PCDHGA7: variants seen among roughly 807,000 people sequenced by gnomAD.
The protein encoded by PCDHGA7 is protocadherin gamma subfamily A, 7.
A neutral mutation model predicts 58.3 loss-of-function variants in PCDHGA7; 44 were observed. That is an observed-to-expected ratio of 0.75 (90% CI 0.59 to 0.97). The LOEUF is 0.97. Among genes scored for constraint, PCDHGA7 ranks in the 50% least tolerant of loss-of-function variants. PCDHGA7 has a pLI of 0.00. For synonymous variants in PCDHGA7, 516 were observed against 504.2 expected, an observed-to-expected ratio of 1.02 and a Z score of -0.31; for missense variants, 1,266 against 1,188.7, an observed-to-expected ratio of 1.06 and a Z score of -0.96.
chr5:141,451,001 A>T (rs909477017), intron 1 of PCDHGA7, among the ~76,000 whole-genome samples: 2 of 148,266 alleles, frequency 1.3e-5, no homozygotes, highest in Middle Eastern at 3.4e-3. Context: ...ATTTTTTTGT[A>T]TTTTTTTTAG....
intron 1 of PCDHGA7, chr5:141,413,266 GGA>G: frequency 6.2e-7 from 1 of 1,613,962 alleles, no homozygotes; most frequent in South Asian, 1.1e-5. Context: ...ATGGGAGGCT[GGA>G]GCCCGGCAGA....
rs761468303 is a variant in PCDHGA7 at position 141,421,659 on chromosome 5, T to C, written c.2424+36336T>C. 4 of 1,613,700 alleles carry C rather than the reference T, an allele frequency of 2.5e-6. No individual in the cohort carries two copies. The Admixed American group carries it at 6.7e-5, about 27-fold the overall frequency. On this transcript the variant is annotated intron_variant, in intron 1 of 3. Transcript: ENST00000518325. ...AGGACGAAGTGGAGATAAAAGTCAG[T>C]GAGCACGCAATTCCTGGGGCGCGAT...
At chr5:141,473,735 A>G (rs529416084) in intron 1 of PCDHGA7, among the ~76,000 whole-genome samples, 75 of 152,352 alleles carry the variant, frequency 4.9e-4, no homozygotes, top group African/African-American at 1.6e-3. Context: ...GAGAGGGAGA[A>G]GACATGAGAA....
intron 2 of PCDHGA7, among the ~76,000 whole-genome samples, chr5:141,497,962 G>A (rs2099780751): frequency 6.6e-6 from 1 of 152,236 alleles, no homozygotes; most frequent in African/African-American, 2.4e-5. Context: ...TGGCCAGGCA[G>A]TGTTCTCGAT....
chr5:141,388,864 C>T (rs748559328), intron 1 of PCDHGA7: 15 of 1,613,736 alleles, frequency 9.3e-6, no homozygotes, highest in Middle Eastern at 1.6e-4. Flanking sequence ...GGAATGATTG[C>T]GCAATGCACA....
chr5:141,407,473 G>A (rs753514459), intron 1 of PCDHGA7, among the ~76,000 whole-genome samples: 4 of 145,182 alleles, frequency 2.8e-5, no homozygotes, highest in Non-Finnish European at 4.6e-5. Context: ...ATGACTGAAT[G>A]GAGTATGGAA....
chr5:141,478,424 G>A, intron 1 of PCDHGA7: 2 of 1,613,686 alleles, frequency 1.2e-6, no homozygotes, highest in African/African-American at 1.3e-5. Context: ...CCGCCGCAGC[G>A]ACCCGCTGCT....
rs934366037 is a variant in PCDHGA7, at chr5:141,408,906, C to T, written c.2424+23583C>T. On this transcript the variant is annotated intron_variant, in intron 1 of 3. Transcript: ENST00000518325. Reference sequence around the variant, plus strand: ...CACATAGAAATTTCTGTCAAGGATACCAATGATAACCCCCCGGTTTTCAGC... The same window carrying T: ...CACATAGAAATTTCTGTCAAGGATATCAATGATAACCCCCCGGTTTTCAGC... 2.5e-6 allele frequency: 4 copies of T among 1,613,136 alleles called. No homozygotes were observed. The African/African-American group carries it at 4.0e-5, about 16-fold the overall frequency.
At chr5:141,436,324 G>A (rs972756085) in intron 1 of PCDHGA7, among the ~76,000 whole-genome samples, 10 of 152,134 alleles carry the variant, frequency 6.6e-5, no homozygotes, top group African/African-American at 2.4e-4. Flanking sequence ...AAGACTGTTA[G>A]ACCATATCTC....
chr5:141,484,962 G>A (rs2099604361), intron 1 of PCDHGA7: 1 of 577,858 alleles, frequency 1.7e-6, no homozygotes, highest in Non-Finnish European at 3.1e-6. Flanking sequence ...GGCTGAGCCC[G>A]GGAGCCGCTG....
intron 3 of PCDHGA7, 133 bp downstream of exon 3, chr5:141,505,614 AC>A: frequency 6.6e-7 from 1 of 1,510,758 alleles, no homozygotes; most frequent in Non-Finnish European, 8.9e-7. Flanking sequence ...GTCTGAAAGG[AC>A]CCACAATTCC....
intron 1 of PCDHGA7, chr5:141,433,149 C>A (rs758972664): frequency 1.2e-6 from 2 of 1,613,856 alleles, no homozygotes; most frequent in Non-Finnish European, 1.7e-6. Context: ...TCAGGTGATT[C>A]GGTATTTTCT....
chr5:141,387,227 A>T (rs1220813655), intron 1 of PCDHGA7, among the ~76,000 whole-genome samples: 3 of 152,230 alleles, frequency 2.0e-5, no homozygotes, highest in Non-Finnish European at 4.4e-5. Context: ...AAGTTGAAAT[A>T]AATCAACTTG....
Position 141,384,579 on chromosome 5 carries a change from C to T in PCDHGA7, c.1680C>T (p.Pro560=), listed in dbSNP as rs746315101. ...TGCTGGACCAGAATGACAACCCGCCCGAGATCCTGTACCCGGCCCTCCCCA... is the reference window on the plus strand; with the variant it reads ...TGCTGGACCAGAATGACAACCCGCCTGAGATCCTGTACCCGGCCCTCCCCA... ...LFVLDQNDNP[P]EILYPALPTD... is the part of the protein sequence containing the mutation. The change falls in exon 1 of 4, where the codon CCC becomes CCT. Residue 560 remains proline, a synonymous_variant. Transcript: ENST00000518325. 8.1e-6 allele frequency: 13 copies of T among 1,614,128 alleles called. No individual in the cohort carries two copies. The highest frequency in any genetic ancestry group is 8.0e-5 in the African/African-American group (6 of 74,934).
At chr5:141,430,946 G>A (rs2097328634) in intron 1 of PCDHGA7, 1 of 1,609,494 alleles carries the variant, frequency 6.2e-7, no homozygotes, top group Non-Finnish European at 8.5e-7. Flanking sequence ...CGCGGAGCGC[G>A]GAGTCCGCAT....
intron 1 of PCDHGA7, chr5:141,404,243 C>A: frequency 6.2e-7 from 1 of 1,613,810 alleles, no homozygotes; most frequent in Non-Finnish European, 8.5e-7. Flanking sequence ...AGGAACTCCG[C>A]CCCTGTCCAC....
Position 141,468,058 on chromosome 5 carries a change from C to T in PCDHGA7, c.2425-26749C>T, listed in dbSNP as rs993225792. ...TAGAAAACTAAGCCGGGCACAGTGG[C>T]TCACACCTGTAATCCCAGCACTTTG... On this transcript the variant is annotated intron_variant, in intron 1 of 3. Transcript: ENST00000518325. 1.1e-4 allele frequency among the ~76,000 whole-genome samples: 16 copies of T among 152,140 alleles called. 2 individuals carry two copies. The highest frequency in any genetic ancestry group is 5.2e-4 in the Admixed American group (8 of 15,276).
Position 141,417,626 on chromosome 5 carries a change from T to C in PCDHGA7, c.2424+32303T>C, listed in dbSNP as rs1156653216. ...CCGTCGGCCAGTGCAGAGCAAGCGC[T>C]GACGCCGGGGATCCCTCAGCCTCTA... On this transcript the variant is annotated intron_variant, in intron 1 of 3. Coordinates refer to ENST00000518325, the MANE Select transcript of PCDHGA7 (RefSeq NM_018920.4). The C allele has an allele frequency of 4.4e-6, 3 of 689,458 alleles. No homozygotes were observed. In the African/African-American group the frequency reaches 5.4e-5, roughly 12 times the overall value. The allele number at this position is 689,458 out of a possible 1,614,324, so 42.7% of individuals were successfully genotyped here. A position where few individuals can be genotyped will look rare whatever the true frequency, so the allele number is the denominator to read the frequency against.
At chr5:141,505,123 C>T (rs1320836386) in intron 2 of PCDHGA7, among the ~76,000 whole-genome samples, 1 of 152,192 alleles carries the variant, frequency 6.6e-6, no homozygotes, top group African/African-American at 2.4e-5. Flanking sequence ...GATCGCGCCA[C>T]TGCACTCCAG....
Sources: gnomAD v4.1 joint callset for allele counts (sites outside exome capture counted in the v4.1 genomes callset) on GRCh38, gnomAD v4.1.1 for gene constraint, MANE v1.5 for transcripts, NCBI Gene and HGNC (gene_info 2026-07-23, HGNC 2026-07-21) for gene names.